The following DPP10 variants were observed in gnomAD, a reference collection of about 807,000 sequenced individuals.
The protein encoded by DPP10 is dipeptidyl peptidase like 10.
In DPP10, 33 loss-of-function variants were observed where a neutral mutation model predicts 120.9. The ratio of observed to expected loss-of-function variants is 0.27; its 90% CI spans 0.21 to 0.37. The LOEUF (loss-of-function observed/expected upper bound fraction) is 0.37. Ranked by LOEUF, DPP10 falls within the 10% of genes least tolerant of loss-of-function variation. The pLI, the probability that DPP10 is intolerant of heterozygous loss-of-function variation, is 1.00. For missense variants in DPP10, 816 were observed against 942.8 expected (o/e 0.87, Z 1.76); for synonymous variants, 337 against 326.1 (o/e 1.03, Z -0.36).
intron 1 of DPP10, among the ~76,000 whole-genome samples, chr2:114,593,177 G>A (rs559773253): frequency 2.0e-5 from 3 of 152,278 alleles, no homozygotes; most frequent in Non-Finnish European, 4.4e-5. Flanking sequence ...GACAGTAAAA[G>A]GACGAAAGTT....
At chr2:114,480,653 G>A (rs538865049) in intron 1 of DPP10, among the ~76,000 whole-genome samples, 6 of 139,428 alleles carry the variant, frequency 4.3e-5, no homozygotes, top group Non-Finnish European at 9.1e-5. Context: ...TGGGAATTGA[G>A]CAAAGAGAAC....
At chr2:115,124,022 T>A (rs776694717) in intron 1 of DPP10, among the ~76,000 whole-genome samples, 8 of 151,788 alleles carry the variant, frequency 5.3e-5, no homozygotes, top group Non-Finnish European at 1.2e-4. Context: ...TCATGGCTCA[T>A]TGAATCCTCA....
chr2:115,367,592 T>C (rs1490354813), intron 3 of DPP10, among the ~76,000 whole-genome samples: 2 of 151,962 alleles, frequency 1.3e-5, no homozygotes, highest in Non-Finnish European at 2.9e-5. Flanking sequence ...TTTCAAATTA[T>C]TAAAATATGT....
At chr2:114,667,253 T>C (rs1443262495) in intron 1 of DPP10, among the ~76,000 whole-genome samples, 1 of 152,234 alleles carries the variant, frequency 6.6e-6, no homozygotes, top group Non-Finnish European at 1.5e-5. Flanking sequence ...GAATAAAAGC[T>C]AATTTTCATT....
At chr2:115,400,951 A>T (rs2068029762) in intron 3 of DPP10, among the ~76,000 whole-genome samples, 1 of 152,332 alleles carries the variant, frequency 6.6e-6, no homozygotes, top group Middle Eastern at 3.4e-3. Flanking sequence ...TTGCCAGCTA[A>T]AAGTGAGTAC....
chr2:115,629,973 C>G lies in DPP10; in HGVS notation c.442-59714C>G, dbSNP rs556645211. Among the ~76,000 whole-genome samples, 3 of 151,688 alleles carry G rather than the reference C, an allele frequency of 2.0e-5. No homozygotes were observed. In the East Asian group the frequency reaches 5.8e-4, roughly 29 times the overall value. ...GTAGTTTAATGGGAGGGAATAACAT[C>G]GAATGTATAAATTATTTTGGGCTGT... On this transcript the variant is annotated intron_variant, in intron 5 of 25. Transcript: ENST00000410059.
In DPP10 at chr2:114,753,793, C is replaced by G. The variant is rs149548317; in HGVS notation, c.60+310955C>G. On this transcript the variant is annotated intron_variant, in intron 1 of 25. Coordinates refer to ENST00000410059, the MANE Select transcript of DPP10 (RefSeq NM_020868.6). The stretch of plus-strand genomic sequence containing the variant: ...GCGTGGTGGCGGGCGACTGTACTCC[C>G]AGCTGCTTCAGAGGCTGAGGCAGGA... Among the ~76,000 whole-genome samples, 264 of 150,920 alleles carry G rather than the reference C, an allele frequency of 1.7e-3. 1 individual carries two copies. Among genetic ancestry groups the G allele is most frequent in the African/African-American group, 5.6e-3 (230 of 41,122 alleles).
chr2:114,445,836 G>A (rs927877055), intron 1 of DPP10, among the ~76,000 whole-genome samples: 4 of 152,004 alleles, frequency 2.6e-5, no homozygotes, highest in Admixed American at 6.6e-5. Context: ...TGTTCCTATC[G>A]TCAAAACCAG....
At chr2:115,834,639 TAAAC>T (rs1472002159) in intron 21 of DPP10, among the ~76,000 whole-genome samples, 2 of 152,204 alleles carry the variant, frequency 1.3e-5, no homozygotes, top group African/African-American at 4.8e-5. Flanking sequence ...AAATTAAACT[TAAAC>T]AATAATTTAA....
chr2:114,625,479 T>A (rs1694441699), intron 1 of DPP10, among the ~76,000 whole-genome samples: 1 of 151,996 alleles, frequency 6.6e-6, no homozygotes. Flanking sequence ...AAAAGCAATA[T>A]TTTAATTCTA....
At chr2:115,840,246 G>A (rs1446023786) in intron 24 of DPP10, among the ~76,000 whole-genome samples, 8 of 148,080 alleles carry the variant, frequency 5.4e-5, no homozygotes, top group Admixed American at 3.4e-4. Context: ...GTTTAATAGA[G>A]TGAAGCTCAA....
intron 1 of DPP10, among the ~76,000 whole-genome samples, chr2:115,136,001 T>G (rs1435225846): frequency 6.6e-6 from 1 of 151,986 alleles, no homozygotes; most frequent in East Asian, 1.9e-4. Flanking sequence ...GCCAGGAGAG[T>G]TTTTTTCTTT....
intron 3 of DPP10, among the ~76,000 whole-genome samples, chr2:115,437,349 A>G (rs1043193702): frequency 3.9e-5 from 6 of 152,054 alleles, no homozygotes; most frequent in African/African-American, 1.4e-4. Context: ...ATATTTGCCT[A>G]TTTCTAACTT....
chr2:114,901,397 C>A (rs1343751307), intron 1 of DPP10, among the ~76,000 whole-genome samples: 1 of 152,082 alleles, frequency 6.6e-6, no homozygotes, highest in Non-Finnish European at 1.5e-5. Context: ...GGGGTTTCAC[C>A]TTGTTAGCCA....
intron 3 of DPP10, among the ~76,000 whole-genome samples, chr2:115,443,572 G>C (rs2072278592): frequency 6.6e-6 from 1 of 152,160 alleles, no homozygotes; most frequent in African/African-American, 2.4e-5. Context: ...TAGGTAAGGA[G>C]AAGTGTTGAA....
At chr2:115,030,791 A>G (rs1194670689) in intron 1 of DPP10, among the ~76,000 whole-genome samples, 1 of 152,128 alleles carries the variant, frequency 6.6e-6, no homozygotes, top group African/African-American at 2.4e-5. Flanking sequence ...GTGGAGAAAA[A>G]GGAATGCTTT....
rs77637671 is a variant in DPP10, at chr2:115,790,788, G to A, written c.1532-293G>A. On this transcript the variant is annotated intron_variant, in intron 17 of 25. Transcript: ENST00000410059. ...AGGTATTGTGAATCGCATCTCATTT[G>A]GTGCTAGATAATCTTGTATTTTGCT... 0.049 allele frequency among the ~76,000 whole-genome samples: 7,513 copies of A among 152,100 alleles called. 843 individuals are homozygous for A. In the East Asian group the frequency reaches 0.5, roughly 10 times the overall value.
intron 1 of DPP10, among the ~76,000 whole-genome samples, chr2:114,607,979 G>A (rs1024478691): frequency 6.6e-6 from 1 of 152,158 alleles, no homozygotes; most frequent in Non-Finnish European, 1.5e-5. Flanking sequence ...TGACCCCCAA[G>A]CTTGTGAGCT....
At chr2:115,162,397 C>T in intron 1 of DPP10, 3 of 1,284,656 alleles carry the variant, frequency 2.3e-6, no homozygotes, top group Non-Finnish European at 3.1e-6. Flanking sequence ...ATCTGCTGCG[C>T]TCCTGACGGC....
Sources: allele counts gnomAD v4.1 joint callset (sites outside exome capture counted in the v4.1 genomes callset), GRCh38; gene constraint gnomAD v4.1.1; transcripts MANE v1.5; gene names NCBI Gene and HGNC (gene_info 2026-07-23, HGNC 2026-07-21).